NLGN4X: variants seen among roughly 807,000 people sequenced by gnomAD.
NLGN4X encodes neuroligin-4, X-linked.
Under a neutral mutation model 40.3 loss-of-function variants are expected in NLGN4X, and 3 were observed. That is an observed-to-expected ratio of 0.07 (90% CI 0.03 to 0.19). The LOEUF is 0.19. NLGN4X is among the 10% of genes least tolerant of loss of function. The pLI is 1.00. For missense variants in NLGN4X, 382 were observed against 708.3 expected (o/e 0.54, Z 5.23); for synonymous variants, 270 against 306.8 (o/e 0.88, Z 1.25).
At chrX:6,068,509 G>A (rs2037980801) in intron 2 of NLGN4X, among the ~76,000 whole-genome samples, 1 of 111,549 alleles carries the variant, frequency 9.0e-6, no homozygotes, top group African/African-American at 3.3e-5. Context: ...GAGGAGATAG[G>A]GAAAGCGTTT....
chrX:5,930,821 T>C (rs942647895), intron 3 of NLGN4X, among the ~76,000 whole-genome samples: 2 of 112,167 alleles, frequency 1.8e-5, no homozygotes, highest in African/African-American at 6.5e-5. Flanking sequence ...ATCTTGATGA[T>C]AGCATAAAAA....
chrX:5,951,460 G>C (rs1466097125), intron 3 of NLGN4X, among the ~76,000 whole-genome samples: 1 of 111,329 alleles, frequency 9.0e-6, no homozygotes. Flanking sequence ...TGGGAGGACG[G>C]GGGGTTGGGG....
chrX:6,211,182 A>G (rs1251876848), intron 1 of NLGN4X, among the ~76,000 whole-genome samples: 2 of 112,009 alleles, frequency 1.8e-5, no homozygotes, highest in Non-Finnish European at 3.8e-5. Flanking sequence ...AAGTGAATAC[A>G]AATGTTTACA....
intron 2 of NLGN4X, among the ~76,000 whole-genome samples, chrX:6,136,492 C>T (rs977421804): frequency 6.3e-5 from 7 of 111,486 alleles, no homozygotes; most frequent in Admixed American, 1.9e-4. Context: ...ATTCAATGCC[C>T]TGTGGACTGC....
At chrX:6,222,987 C>A (rs904151893) in intron 1 of NLGN4X, among the ~76,000 whole-genome samples, 4 of 111,211 alleles carry the variant, frequency 3.6e-5, no homozygotes, top group African/African-American at 1.3e-4. Context: ...AACCTCTTTC[C>A]TTTACAAATT....
intron 1 of NLGN4X, among the ~76,000 whole-genome samples, chrX:6,210,245 T>A (rs1924464238): frequency 1.4e-5 from 1 of 70,535 alleles, no homozygotes; most frequent in African/African-American, 7.2e-5. Context: ...CGCCCGTTTG[T>A]GTGTGTGTGT....
In NLGN4X at chrX:6,044,106, A is replaced by AAAAT. The variant is rs36167131; in HGVS notation, c.473-14678_473-14675dup. ...ACATAATGAGAACCTGTTTCTATTA[A>AAAAT]AAATAAATAAATAAATAAATAAATA... On this transcript the variant is annotated intron_variant, in intron 2 of 5. Coordinates refer to ENST00000381095, the MANE Select transcript of NLGN4X (RefSeq NM_181332.3). Among the ~76,000 whole-genome samples, 389 of 96,432 alleles carry AAAAT rather than the reference A, an allele frequency of 4.0e-3. 2 individuals carry two copies. Among genetic ancestry groups the AAAAT allele is most frequent in the South Asian group, 8.1e-3 (15 of 1,850 alleles). 83.7% of individuals were successfully genotyped at this position (96,432 alleles called of 115,157 possible). A position where few individuals can be genotyped will look rare whatever the true frequency, so the allele number is the denominator to read the frequency against.
intron 2 of NLGN4X, among the ~76,000 whole-genome samples, chrX:6,035,068 T>C (rs2147239371): frequency 8.9e-6 from 1 of 112,315 alleles, no homozygotes; most frequent in African/African-American, 3.2e-5. Context: ...AAATATCTTC[T>C]CATGTACACT....
intron 1 of NLGN4X, among the ~76,000 whole-genome samples, chrX:6,210,123 T>C (rs1924441484): frequency 8.9e-6 from 1 of 111,909 alleles, no homozygotes; most frequent in Non-Finnish European, 1.9e-5. Flanking sequence ...CTTTAGCCTC[T>C]ATCATTCAAA....
chrX:6,138,031 C>T (rs1602300273), intron 2 of NLGN4X, among the ~76,000 whole-genome samples: 1 of 111,951 alleles, frequency 8.9e-6, no homozygotes, highest in Non-Finnish European at 1.9e-5. Flanking sequence ...GTTGTGCATT[C>T]AGCATCCGGT....
intron 2 of NLGN4X, among the ~76,000 whole-genome samples, chrX:6,150,023 C>T (rs757649769): frequency 2.7e-5 from 3 of 109,928 alleles, no homozygotes; most frequent in East Asian, 2.8e-4. Flanking sequence ...ACACTTTCCA[C>T]GAAGAACTTT....
At chrX:5,994,797 C>T (rs982646570) in intron 3 of NLGN4X, among the ~76,000 whole-genome samples, 1 of 111,902 alleles carries the variant, frequency 8.9e-6, no homozygotes, top group Non-Finnish European at 1.9e-5. Flanking sequence ...GAAGGATATT[C>T]AATATGGCAG....
At chrX:5,946,413 AT>A (rs773734032) in intron 3 of NLGN4X, among the ~76,000 whole-genome samples, 3 of 111,947 alleles carry the variant, frequency 2.7e-5, no homozygotes, top group African/African-American at 9.7e-5. Flanking sequence ...AACTCAAAAA[AT>A]ATTTTGTACA....
At chrX:5,908,069 G>T (rs1230036653) in intron 4 of NLGN4X, among the ~76,000 whole-genome samples, 1 of 93,327 alleles carries the variant, frequency 1.1e-5, no homozygotes, top group African/African-American at 4.0e-5. Flanking sequence ...GGAGGGAGGA[G>T]AGACAGTGGA....
At chrX:6,227,561 G>C (rs1926492631) in intron 1 of NLGN4X, 1 of 110,315 alleles carries the variant, frequency 9.1e-6, no homozygotes, top group Non-Finnish European at 1.9e-5. Context: ...TCCGAAAGAA[G>C]CAAAACCACC....
intron 3 of NLGN4X, among the ~76,000 whole-genome samples, chrX:5,977,819 A>G (rs1387648082): frequency 8.9e-6 from 1 of 111,867 alleles, no homozygotes; most frequent in Non-Finnish European, 1.9e-5. Flanking sequence ...TTCAACCCTC[A>G]GTCTTTTCCA....
intron 2 of NLGN4X, among the ~76,000 whole-genome samples, chrX:6,033,707 G>A (rs2036929977): frequency 1.9e-5 from 1 of 53,242 alleles, no homozygotes; most frequent in Non-Finnish European, 3.6e-5. Flanking sequence ...GCAAAATGCA[G>A]GAAGAGGCCC....
intron 2 of NLGN4X, among the ~76,000 whole-genome samples, chrX:6,146,852 T>C (rs2040057464): frequency 9.0e-6 from 1 of 111,127 alleles, no homozygotes; most frequent in Non-Finnish European, 1.9e-5. Flanking sequence ...AGTGGTGCGA[T>C]CTCGGCTCAC....
chrX:6,107,476 G>A (rs755162478), intron 2 of NLGN4X, among the ~76,000 whole-genome samples: 2 of 111,408 alleles, frequency 1.8e-5, no homozygotes, highest in Non-Finnish European at 3.8e-5. Context: ...TAACATAAGG[G>A]TTTTCAGACA....
Sources: gnomAD v4.1 joint callset for allele counts (sites outside exome capture counted in the v4.1 genomes callset) on GRCh38, gnomAD v4.1.1 for gene constraint, MANE v1.5 for transcripts, NCBI Gene and HGNC (gene_info 2026-07-23, HGNC 2026-07-21) for gene names.